The following NAPG variants were observed in gnomAD, a reference collection of about 807,000 sequenced individuals.
NAPG encodes NSF attachment protein gamma.
NAPG carries 25 observed loss-of-function variants against 48.4 expected under a neutral mutation model. The ratio of observed to expected loss-of-function variants is 0.52; its 90% CI spans 0.38 to 0.72. The LOEUF is 0.72. Among genes scored for constraint, NAPG ranks in the 30% least tolerant of loss-of-function variants. The pLI is 0.00. For missense variants in NAPG, 359 were observed against 372.5 expected (o/e 0.96, Z 0.30); for synonymous variants, 139 against 127.2 (o/e 1.09, Z -0.62).
chr18:10,532,676 A>G (rs1294974539), intron 2 of NAPG, 35 bp from the exon 3 acceptor site: 13 of 1,500,832 alleles, frequency 8.7e-6, no homozygotes, highest in Non-Finnish European at 2.7e-6. Context: ...GAGGTTTTTA[A>G]TGATGGAAAT....
intron 5 of NAPG, among the ~76,000 whole-genome samples, chr18:10,538,018 T>C (rs1425240658): frequency 6.6e-6 from 1 of 152,198 alleles, no homozygotes; most frequent in Non-Finnish European, 1.5e-5. Flanking sequence ...TACCTTAAGA[T>C]ACAGCAAGTC....
At chr18:10,526,985 C>T (rs2031828403) in intron 1 of NAPG, among the ~76,000 whole-genome samples, 1 of 151,728 alleles carries the variant, frequency 6.6e-6, no homozygotes, top group South Asian at 2.1e-4. Context: ...GTCAGAAGAT[C>T]CAGACCATCC....
chr18:10,539,522 A>C lies in NAPG; in HGVS notation c.259-240A>C. 1 of 415,826 alleles carries C rather than the reference A, an allele frequency of 2.4e-6. No individual in the cohort carries two copies. Among genetic ancestry groups the C allele is most frequent in the Non-Finnish European group, 4.4e-6 (1 of 226,530 alleles). The allele number at this position is 415,826 out of a possible 1,614,324, so 25.8% of individuals were successfully genotyped here. On this transcript the variant is annotated intron_variant, in intron 5 of 11. Coordinates refer to ENST00000322897, the MANE Select transcript of NAPG (RefSeq NM_003826.3). This position sits in a 1 kb window ranked among gnomAD's most constrained non-coding sequence, Gnocchi z 4.7. ...CTCCTGGGCCTGTCGGGGGCTGGGGAATAAGGGGAGGGAGAGCACTAGGAC... is the reference window on the plus strand; with the variant it reads ...CTCCTGGGCCTGTCGGGGGCTGGGGCATAAGGGGAGGGAGAGCACTAGGAC...
intron 11 of NAPG, among the ~76,000 whole-genome samples, chr18:10,549,424 C>G (rs1222889864): frequency 6.6e-6 from 1 of 152,190 alleles, no homozygotes; most frequent in Non-Finnish European, 1.5e-5. Context: ...TTTAGACGGA[C>G]TCTCTGAAAG....
rs1307653478 is a variant in NAPG at position 10,551,795 on chromosome 18, G to C, written c.*1575G>C. 1 of 152,160 alleles carries C rather than the reference G, an allele frequency of 6.6e-6. No homozygotes were observed. Among genetic ancestry groups the C allele is most frequent in the African/African-American group, 2.4e-5 (1 of 41,436 alleles). 9.4% of individuals were successfully genotyped at this position (152,160 alleles called of 1,614,324 possible). ...TTTGGGAGGTGGTCTCGGGTGCGTG[G>C]ATGTTGGTATACAGTCTTTATTGTA... On this transcript the variant is annotated 3_prime_UTR_variant, in exon 12 of 12. Transcript: ENST00000322897.
intron 5 of NAPG, among the ~76,000 whole-genome samples, chr18:10,536,635 G>A (rs192010928): frequency 6.6e-6 from 1 of 152,274 alleles, no homozygotes; most frequent in African/African-American, 2.4e-5. Flanking sequence ...AGCCTCACTT[G>A]ATTTTACGCA....
At chr18:10,549,933 C>A in intron 11 of NAPG, 144 bp from the exon 12 acceptor site, 1 of 702,804 alleles carries the variant, frequency 1.4e-6, no homozygotes. Context: ...TGGGGAGCAG[C>A]ATTGTTGGGC....
chr18:10,527,015 C>T (rs1362300332), intron 1 of NAPG, among the ~76,000 whole-genome samples: 1 of 151,604 alleles, frequency 6.6e-6, no homozygotes, highest in African/African-American at 2.4e-5. Flanking sequence ...CGGTGAAAAC[C>T]GTCTCTACTA....
At chr18:10,528,526 A>G (rs973815263) in intron 1 of NAPG, among the ~76,000 whole-genome samples, 2 of 152,238 alleles carry the variant, frequency 1.3e-5, no homozygotes, top group African/African-American at 2.4e-5. Flanking sequence ...AGGTACTGCC[A>G]GACATGTTAG....
chr18:10,531,404 G>A (rs77948243), intron 2 of NAPG, among the ~76,000 whole-genome samples: 1 of 152,086 alleles, frequency 6.6e-6, no homozygotes, highest in East Asian at 1.9e-4. Flanking sequence ...TACTAAAAAT[G>A]TAGCATTCTG....
intron 5 of NAPG, among the ~76,000 whole-genome samples, chr18:10,537,642 TGA>T: frequency 6.6e-6 from 1 of 152,350 alleles, no homozygotes; most frequent in South Asian, 2.1e-4. Context: ...CTAATGTGTC[TGA>T]GAGAGATTTT....
At position 10,548,658 on chromosome 18, in the gene NAPG, A is replaced by G. The variant is rs1015535411; in HGVS notation, c.665+280A>G. Among the ~76,000 whole-genome samples, 18 of 151,976 alleles carry G rather than the reference A, an allele frequency of 1.2e-4. No homozygotes were observed. The highest frequency in any genetic ancestry group is 2.5e-4 in the Non-Finnish European group (17 of 68,018). Reference sequence around the variant, plus strand: ...GAAAAAAAGAACAAGAAAAAGGGGGAAAAAATTATCAGATTTATGTTACAG... The same window carrying G: ...GAAAAAAAGAACAAGAAAAAGGGGGGAAAAATTATCAGATTTATGTTACAG... On this transcript the variant is annotated intron_variant, in intron 10 of 11. Coordinates refer to ENST00000322897, the MANE Select transcript of NAPG (RefSeq NM_003826.3). The surrounding 1 kb of genome is among the most constrained non-coding windows in gnomAD (Gnocchi z 4.4).
Position 10,550,337 on chromosome 18 carries a change from T to C in NAPG, c.*117T>C, listed in dbSNP as rs2032362282. On this transcript the variant is annotated 3_prime_UTR_variant, in exon 12 of 12. Transcript: ENST00000322897. Reference sequence around the variant, plus strand: ...TCATTACAGTCATGATTTTGGATCCTAATAAAGACTAGTTTTTAGTTACCA... The same window carrying C: ...TCATTACAGTCATGATTTTGGATCCCAATAAAGACTAGTTTTTAGTTACCA... 8.9e-7 allele frequency: 1 copy of C among 1,117,326 alleles called. No homozygotes were observed. The highest frequency in any genetic ancestry group is 1.2e-6 in the Non-Finnish European group (1 of 821,362). The allele number at this position is 1,117,326 out of a possible 1,614,324, so 69.2% of individuals were successfully genotyped here.
Position 10,548,487 on chromosome 18 carries a change from A to G in NAPG, c.665+109A>G, listed in dbSNP as rs1051333142. 4.7e-6 allele frequency: 4 copies of G among 854,162 alleles called. No homozygotes were observed. Among genetic ancestry groups the G allele is most frequent in the Non-Finnish European group, 7.5e-6 (4 of 534,990 alleles). 52.9% of individuals were successfully genotyped at this position (854,162 alleles called of 1,614,324 possible). A position where few individuals can be genotyped will look rare whatever the true frequency, so the allele number is the denominator to read the frequency against. On this transcript the variant is annotated intron_variant, in intron 10 of 11. Coordinates refer to ENST00000322897, the MANE Select transcript of NAPG (RefSeq NM_003826.3). The surrounding 1 kb of genome is among the most constrained non-coding windows in gnomAD (Gnocchi z 4.4). ...CTGGCCATGAAACTGTCATTTCTAA[A>G]TCTTAGGAGTGCTCATCTACCATTT...
At position 10,536,991 on chromosome 18, in the gene NAPG, C is replaced by G. The variant is rs369286536; in HGVS notation, c.258+2495C>G. On this transcript the variant is annotated intron_variant, in intron 5 of 11. Coordinates refer to ENST00000322897, the MANE Select transcript of NAPG (RefSeq NM_003826.3). ...TTTTTTTTTGAGACAGGATCTTGCT[C>G]TGTTGCCCAGGCTGGATTGCAGTGG... 1.0e-3 allele frequency among the ~76,000 whole-genome samples: 151 copies of G among 148,860 alleles called. 3 individuals carry two copies. In the South Asian group the frequency reaches 0.031, roughly 30 times the overall value.
chr18:10,546,223 T>C lies in NAPG; in HGVS notation c.507-103T>C. 1.6e-6 allele frequency: 1 copy of C among 618,104 alleles called. No individual in the cohort carries two copies. Among genetic ancestry groups the C allele is most frequent in the Non-Finnish European group, 2.6e-6 (1 of 382,412 alleles). The allele number at this position is 618,104 out of a possible 1,614,324, so 38.3% of individuals were successfully genotyped here. On this transcript the variant is annotated intron_variant, in intron 8 of 11. Coordinates refer to ENST00000322897, the MANE Select transcript of NAPG (RefSeq NM_003826.3). This position sits in a 1 kb window ranked among gnomAD's most constrained non-coding sequence, Gnocchi z 4.0. The stretch of plus-strand genomic sequence containing the variant: ...GGGCAGCTGCTAATAATACCTGTCC[T>C]CCTGGTGTCTCTACAATCTATGATG...
At position 10,548,889 on chromosome 18, in the gene NAPG, C is replaced by A. The variant is rs2032324492; in HGVS notation, c.666-78C>A. ...AAATGTCTCCAGACAGTGTCACATG[C>A]CAGGGGCAGAATCATCCCTGCCTGA... On this transcript the variant is annotated intron_variant, in intron 10 of 11. Coordinates refer to ENST00000322897, the MANE Select transcript of NAPG (RefSeq NM_003826.3). The surrounding 1 kb of genome is among the most constrained non-coding windows in gnomAD (Gnocchi z 4.4). 6.6e-7 allele frequency: 1 copy of A among 1,524,312 alleles called. No individual in the cohort carries two copies. The highest frequency in any genetic ancestry group is 1.2e-5 in the South Asian group (1 of 81,454). The allele number at this position is 1,524,312 out of a possible 1,614,324, so 94.4% of individuals were successfully genotyped here.
At chr18:10,541,099 G>T (rs998789611) in intron 8 of NAPG, among the ~76,000 whole-genome samples, 1 of 152,138 alleles carries the variant, frequency 6.6e-6, no homozygotes, top group Non-Finnish European at 1.5e-5. Context: ...AATGACTGAT[G>T]AATCTATCCT....
chr18:10,541,751 G>A (rs1356130560), intron 8 of NAPG, among the ~76,000 whole-genome samples: 2 of 152,216 alleles, frequency 1.3e-5, no homozygotes. Context: ...GAAGGTGAAG[G>A]AAGTGAAGTT....
Sources: allele counts gnomAD v4.1 joint callset (sites outside exome capture counted in the v4.1 genomes callset), GRCh38; gene constraint gnomAD v4.1.1; non-coding constraint Gnocchi (gnomAD v3.1); transcripts MANE v1.5; gene names NCBI Gene and HGNC (gene_info 2026-07-23, HGNC 2026-07-21).